Variants in KLHL29 observed in about 807,000 individuals in gnomAD.
KLHL29 encodes the protein kelch like family member 29, also known as kelch-like protein 29.
In KLHL29, 21 loss-of-function variants were observed where a neutral mutation model predicts 80.4. The ratio of observed to expected loss-of-function variants is 0.26; its 90% CI spans 0.19 to 0.38. The LOEUF is 0.38. Ranked by LOEUF, KLHL29 falls within the 10% of genes least tolerant of loss-of-function variation. The probability of loss-of-function intolerance (pLI) is 1.00; values close to 1 mark genes in which losing one functional copy is unlikely to be tolerated. For missense variants in KLHL29, 867 were observed against 1,223.9 expected, an observed-to-expected ratio of 0.71 and a Z score of 4.35; for synonymous variants, 511 against 526.8, an observed-to-expected ratio of 0.97 and a Z score of 0.41.
intron 3 of KLHL29, among the ~76,000 whole-genome samples, chr2:23,570,418 C>T (rs772188394): frequency 6.6e-6 from 1 of 152,202 alleles, no homozygotes; most frequent in Non-Finnish European, 1.5e-5. Context: ...GGTGGCTGTT[C>T]GTTGCAGTCC....
intron 3 of KLHL29, among the ~76,000 whole-genome samples, chr2:23,581,259 T>C (rs1667972896): frequency 6.6e-6 from 1 of 152,208 alleles, no homozygotes; most frequent in Non-Finnish European, 1.5e-5. Flanking sequence ...TGGTCCTCCT[T>C]TCCAGTCCCC....
At chr2:23,564,327 C>A (rs1231785529) in intron 3 of KLHL29, among the ~76,000 whole-genome samples, 3 of 152,138 alleles carry the variant, frequency 2.0e-5, no homozygotes, top group Non-Finnish European at 4.4e-5. Flanking sequence ...AGGAAGGGAA[C>A]CCAGTCTCAG....
At chr2:23,492,568 G>A (rs1009819867) in intron 2 of KLHL29, among the ~76,000 whole-genome samples, 1 of 152,222 alleles carries the variant, frequency 6.6e-6, no homozygotes, top group Non-Finnish European at 1.5e-5. Flanking sequence ...AAATTAGCTG[G>A]AGCATCAGAT....
At chr2:23,416,935 G>T (rs72776724) in intron 1 of KLHL29, among the ~76,000 whole-genome samples, 1 of 152,122 alleles carries the variant, frequency 6.6e-6, no homozygotes, top group Non-Finnish European at 1.5e-5. Context: ...ATACTCCACA[G>T]GCACCTCCAT....
intron 1 of KLHL29, among the ~76,000 whole-genome samples, chr2:23,456,619 A>G (rs974191277): frequency 6.6e-6 from 1 of 152,230 alleles, no homozygotes; most frequent in African/African-American, 2.4e-5. Flanking sequence ...GGTTCTGGCT[A>G]CTTGTGCTTG....
chr2:23,457,331 G>A lies in KLHL29; in HGVS notation c.-153-18229G>A, dbSNP rs754387744. On this transcript the variant is annotated intron_variant, in intron 1 of 13. Transcript: ENST00000486442. The surrounding 1 kb of genome is among the most constrained non-coding windows in gnomAD (Gnocchi z 4.3). ...CTAAGGCAGGCCTTTCCTGTGAGAA[G>A]TGGTGGCTTTGAGCTGTGGGGACCT... Among the ~76,000 whole-genome samples the A allele has an allele frequency of 6.6e-6, 1 of 152,232 alleles. No homozygotes were observed.
intron 5 of KLHL29, among the ~76,000 whole-genome samples, chr2:23,676,222 G>A (rs1195571715): frequency 7.9e-5 from 12 of 152,022 alleles, no homozygotes; most frequent in African/African-American, 2.7e-4. Flanking sequence ...CTGCTCTGTC[G>A]CCTGGGCTGG....
chr2:23,559,892 C>T (rs1372071040), intron 2 of KLHL29, among the ~76,000 whole-genome samples: 1 of 152,010 alleles, frequency 6.6e-6, no homozygotes, highest in Admixed American at 6.6e-5. Context: ...AAGAGGAGCC[C>T]GCCAAGGAGA....
At chr2:23,386,048 G>T (rs1168880148) in intron 1 of KLHL29, among the ~76,000 whole-genome samples, 4 of 152,166 alleles carry the variant, frequency 2.6e-5, no homozygotes, top group African/African-American at 7.2e-5. Context: ...CACCGGGGCT[G>T]CCTGGGGCCA....
intron 1 of KLHL29, among the ~76,000 whole-genome samples, chr2:23,450,076 CAATTAAA>C (rs1333644340): frequency 6.6e-6 from 1 of 152,152 alleles, no homozygotes; most frequent in East Asian, 1.9e-4. Context: ...GCTCGATCGC[CAATTAAA>C]AAGCTCATGT....
At chr2:23,577,151 C>G (rs1219881165) in intron 3 of KLHL29, among the ~76,000 whole-genome samples, 2 of 152,184 alleles carry the variant, frequency 1.3e-5, no homozygotes, top group Non-Finnish European at 2.9e-5. Flanking sequence ...CCACGTGGCT[C>G]CATGAAAGAC....
At chr2:23,453,323 G>A (rs569667408) in intron 1 of KLHL29, among the ~76,000 whole-genome samples, 70 of 152,318 alleles carry the variant, frequency 4.6e-4, no homozygotes, top group Admixed American at 3.3e-3. Context: ...TACCTGTCCT[G>A]TGTGACAGAA....
chr2:23,447,811 C>T (rs1341596915), intron 1 of KLHL29, among the ~76,000 whole-genome samples: 2 of 152,174 alleles, frequency 1.3e-5, no homozygotes, highest in Non-Finnish European at 2.9e-5. Flanking sequence ...GATGTGAATC[C>T]TTATACCTTT....
chr2:23,583,092 C>T (rs976244010), intron 3 of KLHL29, among the ~76,000 whole-genome samples: 5 of 152,168 alleles, frequency 3.3e-5, no homozygotes, highest in Non-Finnish European at 5.9e-5. Context: ...CTGGAAGAGG[C>T]AAAGGACCCT....
intron 2 of KLHL29, among the ~76,000 whole-genome samples, chr2:23,483,154 A>G (rs1332073099): frequency 6.6e-6 from 1 of 152,228 alleles, no homozygotes; most frequent in African/African-American, 2.4e-5. Flanking sequence ...CACAGTGACC[A>G]TATGAGATAA....
At chr2:23,502,825 C>T (rs371025979) in intron 2 of KLHL29, among the ~76,000 whole-genome samples, 1 of 152,178 alleles carries the variant, frequency 6.6e-6, no homozygotes, top group Admixed American at 6.5e-5. Flanking sequence ...ACGGACACTT[C>T]CAGATAGAAG....
intron 5 of KLHL29, chr2:23,671,918 T>C (rs1670776262): frequency 6.6e-6 from 1 of 152,462 alleles, no homozygotes; most frequent in East Asian, 1.9e-4. Context: ...CCTGCCCCAA[T>C]TCCCAGCCTC....
At chr2:23,605,045 T>TCCCTGGAG (rs1427271117) in intron 3 of KLHL29, among the ~76,000 whole-genome samples, 2 of 151,702 alleles carry the variant, frequency 1.3e-5, no homozygotes, top group East Asian at 3.9e-4. Context: ...GCCACCGCCT[T>TCCCTGGAG]CCCTGGAGTA....
At chr2:23,438,381 C>G (rs1311425374) in intron 1 of KLHL29, among the ~76,000 whole-genome samples, 13 of 143,130 alleles carry the variant, frequency 9.1e-5, no homozygotes, top group African/African-American at 2.2e-4. Context: ...GCATCCCTGT[C>G]TTGTGCCAGT....
Sources: allele counts gnomAD v4.1 joint callset (sites outside exome capture counted in the v4.1 genomes callset), GRCh38; gene constraint gnomAD v4.1.1; non-coding constraint Gnocchi (gnomAD v3.1); transcripts MANE v1.5; gene names NCBI Gene and HGNC (gene_info 2026-07-23, HGNC 2026-07-21).